IQGAP2: variants seen among roughly 807,000 people sequenced by gnomAD.
The protein encoded by IQGAP2 is ras GTPase-activating-like protein IQGAP2.
A neutral mutation model predicts 201.3 loss-of-function variants in IQGAP2; 173 were observed. The observed-to-expected ratio is 0.86, with a 90% CI of 0.76 to 0.98. The LOEUF (loss-of-function observed/expected upper bound fraction) is 0.98, where lower values mean the gene tolerates loss of function less well. IQGAP2 is among the 50% of genes least tolerant of loss of function. IQGAP2 has a pLI of 0.00. For synonymous variants in IQGAP2, 675 were observed against 673.9 expected (o/e 1.00, Z -0.03); for missense variants, 1,687 against 1,864.8 (o/e 0.90, Z 1.76).
rs754381687 is a variant in IQGAP2 at position 76,512,586 on chromosome 5, A to G, written c.147-49810A>G. On this transcript the variant is annotated intron_variant, in intron 2 of 35. Coordinates refer to ENST00000274364, the MANE Select transcript of IQGAP2 (RefSeq NM_006633.5). ...ATTGAATTAGACAGGGGAAAAGCTA[A>G]TTAGTACTATAGTGAGACTGGAGTG... 9.9e-5 allele frequency among the ~76,000 whole-genome samples: 15 copies of G among 152,248 alleles called. 1 individual carries two copies. Among genetic ancestry groups the G allele is most frequent in the Non-Finnish European group, 1.5e-5 (1 of 68,046 alleles).
At position 76,660,608 on chromosome 5, in the gene IQGAP2, A is replaced by G. The variant is rs564784496; in HGVS notation, c.2529+1941A>G. 2.0e-5 allele frequency among the ~76,000 whole-genome samples: 3 copies of G among 152,386 alleles called. No homozygotes were observed. The South Asian group carries it at 6.2e-4, about 32-fold the overall frequency. On this transcript the variant is annotated intron_variant, in intron 21 of 35. Transcript: ENST00000274364. ...TTTGGAAACACAATCATGGCAAGTT[A>G]TCAGATTTTTATGAATGCTTGAGGT... is the stretch of plus-strand genomic sequence containing the variant.
rs369074923 is a variant in IQGAP2, at chr5:76,665,183, C to A, written c.2679+8C>A. On this transcript the variant is annotated splice_region_variant and intron_variant, in intron 22 of 35. Coordinates refer to ENST00000274364, the MANE Select transcript of IQGAP2 (RefSeq NM_006633.5). ...CTGTTTTACCTTTTACAGGTGAGAA[C>A]AATTTATCGTTCACTCTGAGTTTGG... 20 of 1,609,360 alleles carry A rather than the reference C, an allele frequency of 1.2e-5. No individual in the cohort carries two copies. In the African/African-American group the frequency reaches 2.7e-4, roughly 22 times the overall value.
chr5:76,471,390 C>G (rs564794071), intron 2 of IQGAP2, among the ~76,000 whole-genome samples: 1 of 143,720 alleles, frequency 7.0e-6, no homozygotes. Context: ...AAAAAAACAC[C>G]CTTCCCTTGG....
chr5:76,566,193 A>G (rs984240790), intron 3 of IQGAP2, among the ~76,000 whole-genome samples: 85 of 152,222 alleles, frequency 5.6e-4, no homozygotes, highest in Admixed American at 2.9e-3. Flanking sequence ...GCCTGGTTTC[A>G]TGGTGGCGGG....
intron 13 of IQGAP2, among the ~76,000 whole-genome samples, chr5:76,614,047 C>A (rs1748665309): frequency 6.6e-6 from 1 of 152,168 alleles, no homozygotes; most frequent in South Asian, 2.1e-4. Flanking sequence ...AAGTCAGGAT[C>A]TTCTGAGGAC....
intron 2 of IQGAP2, among the ~76,000 whole-genome samples, chr5:76,534,767 T>C (rs771283630): frequency 2.0e-4 from 30 of 152,350 alleles, no homozygotes; most frequent in Non-Finnish European, 4.1e-4. Context: ...CGTTTCACAG[T>C]CAGATCAAGG....
In IQGAP2 at chr5:76,403,837, G is replaced by C. The variant is rs1468779484; in HGVS notation, c.46+246G>C. ...GACCCTCCACTCCGCATACCCAAAC[G>C]GGGTGCGCGGGCAGTGCGGGGATTG... On this transcript the variant is annotated intron_variant, in intron 1 of 35. Transcript: ENST00000274364. This position sits in a 1 kb window ranked among gnomAD's most constrained non-coding sequence, Gnocchi z 4.8. Among the ~76,000 whole-genome samples, 1 of 152,076 alleles carries C rather than the reference G, an allele frequency of 6.6e-6. No homozygotes were observed. The highest frequency in any genetic ancestry group is 1.5e-5 in the Non-Finnish European group (1 of 68,012).
chr5:76,475,851 A>T (rs768021311), intron 2 of IQGAP2, among the ~76,000 whole-genome samples: 1 of 152,104 alleles, frequency 6.6e-6, no homozygotes, highest in Admixed American at 6.5e-5. Flanking sequence ...GAACCTTCAG[A>T]TGGCAAAGGG....
Position 76,671,940 on chromosome 5 carries a change from A to G in IQGAP2, c.3025A>G (p.Lys1009Glu). ...CAACACAAACCCTGTAGAGGTGTAC[A>G]AGGCTTGGGTGAACCAACTAGAAAC... is the stretch of plus-strand genomic sequence containing the variant. The part of the protein sequence containing the change: ...IINTNPVEVY[K>E]AWVNQLETQT... Residue 1009 changes from lysine to glutamate, a missense_variant, in exon 24 of 36, where the codon AAG becomes GAG. Physicochemically the swap from Lys to Glu is moderately conservative, Grantham distance 56. Coordinates refer to ENST00000274364, the MANE Select transcript of IQGAP2 (RefSeq NM_006633.5). The G allele has an allele frequency of 6.2e-7, 1 of 1,614,138 alleles. No homozygotes were observed. Among genetic ancestry groups the G allele is most frequent in the Non-Finnish European group, 8.5e-7 (1 of 1,179,998 alleles).
intron 30 of IQGAP2, among the ~76,000 whole-genome samples, chr5:76,685,839 G>A (rs1480325337): frequency 6.6e-6 from 1 of 152,162 alleles, no homozygotes; most frequent in Non-Finnish European, 1.5e-5. Flanking sequence ...CATGCATTTA[G>A]TACATTCGCA....
chr5:76,469,553 T>C (rs1211282653), intron 2 of IQGAP2, among the ~76,000 whole-genome samples: 2 of 152,058 alleles, frequency 1.3e-5, no homozygotes, highest in African/African-American at 4.8e-5. Flanking sequence ...TACAGAAGTA[T>C]GCCACCATGT....
chr5:76,705,025 A>C (rs1747750386), intron 35 of IQGAP2, among the ~76,000 whole-genome samples: 1 of 152,196 alleles, frequency 6.6e-6, no homozygotes, highest in Non-Finnish European at 1.5e-5. Context: ...AGGTAACAGG[A>C]GGATATGACT....
intron 1 of IQGAP2, among the ~76,000 whole-genome samples, chr5:76,441,708 G>GT (rs1753049589): frequency 6.6e-6 from 1 of 152,054 alleles, no homozygotes; most frequent in African/African-American, 2.4e-5. Flanking sequence ...CTGAACTGTT[G>GT]CAGATGAAGA....
chr5:76,625,138 G>A lies in IQGAP2; in HGVS notation c.1522-2272G>A, dbSNP rs145262724. On this transcript the variant is annotated intron_variant, in intron 13 of 35. Transcript: ENST00000274364. ...GGTTTTACATTTAACTCTAGTAATC[G>A]TTAGTTCAATGTTTCATAATTTAAA... 3.9e-3 allele frequency among the ~76,000 whole-genome samples: 601 copies of A among 152,272 alleles called. 4 individuals carry two copies. The highest frequency in any genetic ancestry group is 0.014 in the African/African-American group (569 of 41,568).
intron 1 of IQGAP2, among the ~76,000 whole-genome samples, chr5:76,435,403 T>A (rs1044390766): frequency 6.6e-6 from 1 of 152,200 alleles, no homozygotes; most frequent in African/African-American, 2.4e-5. Context: ...AGTTTCATTC[T>A]TCTACATGTG....
intron 17 of IQGAP2, among the ~76,000 whole-genome samples, chr5:76,652,238 CA>C (rs1247936279): frequency 1.3e-5 from 2 of 152,276 alleles, no homozygotes; most frequent in Non-Finnish European, 2.9e-5. Flanking sequence ...AAATGATGGT[CA>C]GTTGCAGCAC....
At chr5:76,501,396 C>T (rs772556412) in intron 2 of IQGAP2, among the ~76,000 whole-genome samples, 29 of 151,932 alleles carry the variant, frequency 1.9e-4, no homozygotes, top group East Asian at 3.9e-4. Context: ...TAAGAACCCC[C>T]GGCTCTATTT....
At chr5:76,504,783 A>G (rs918464187) in intron 2 of IQGAP2, among the ~76,000 whole-genome samples, 2 of 152,162 alleles carry the variant, frequency 1.3e-5, no homozygotes, top group Non-Finnish European at 2.9e-5. Flanking sequence ...GCTGGGAGTT[A>G]ATACCGTAAT....
chr5:76,509,648 C>G (rs1268247958), intron 2 of IQGAP2, among the ~76,000 whole-genome samples: 1 of 152,148 alleles, frequency 6.6e-6, no homozygotes, highest in East Asian at 1.9e-4. Context: ...CCTGCCTTGG[C>G]CTCCCAAAGT....
Sources: gnomAD v4.1 joint callset for allele counts (sites outside exome capture counted in the v4.1 genomes callset) on GRCh38, gnomAD v4.1.1 for gene constraint, Gnocchi (gnomAD v3.1) non-coding constraint, MANE v1.5 for transcripts, NCBI Gene and HGNC (gene_info 2026-07-23, HGNC 2026-07-21) for gene names.